ZNF470: variants seen among roughly 807,000 people sequenced by gnomAD.
ZNF470 encodes the protein chondrogenesis zinc finger protein 1.
A neutral mutation model predicts 13.9 loss-of-function variants in ZNF470; 13 were observed. The ratio of observed to expected loss-of-function variants is 0.94; its 90% CI spans 0.61 to 1.49. The LOEUF (loss-of-function observed/expected upper bound fraction) is 1.49. ZNF470 is among the 40% of genes most tolerant of loss of function. ZNF470 has a pLI of 0.00. For synonymous variants in ZNF470, 293 were observed against 282.9 expected, an observed-to-expected ratio of 1.04 and a Z score of -0.36; for missense variants, 929 against 857.3, an observed-to-expected ratio of 1.08 and a Z score of -1.04.
chr19:56,577,292 A>G lies in ZNF470; in HGVS notation c.863A>G (p.Glu288Gly), dbSNP rs1468152696. ...GGAGAAAAACCTTTTGAATGTACTG[A>G]ATGTGGGAAAGCCTTCAGCCAGAAT... Reference protein sequence around the residue: ...HTGEKPFECTECGKAFSQNAH... With the variant: ...HTGEKPFECTGCGKAFSQNAH... Residue 288 changes from glutamate (E) to glycine (G), a missense_variant, in exon 6 of 6, where the codon GAA (glutamate) becomes GGA (glycine). Physicochemically the swap from Glu to Gly is moderately conservative, Grantham distance 98 (BLOSUM62 -2). Transcript: ENST00000330619. 2 of 1,613,734 alleles carry G rather than the reference A, an allele frequency of 1.2e-6. No individual in the cohort carries two copies. Among genetic ancestry groups the G allele is most frequent in the Non-Finnish European group, 1.7e-6 (2 of 1,179,804 alleles).
chr19:56,579,740 A>G lies in ZNF470; in HGVS notation c.*1157A>G. ...ATGTTACAACTTAAACTTATTTTTA[A>G]AATATTTAAAAATAGGAAGGCTAGA... On this transcript the variant is annotated 3_prime_UTR_variant, in exon 6 of 6. Transcript: ENST00000330619. 1.0e-6 allele frequency: 1 copy of G among 974,974 alleles called. No individual in the cohort carries two copies. Among genetic ancestry groups the G allele is most frequent in the Non-Finnish European group, 1.2e-6 (1 of 820,366 alleles). The allele number at this position is 974,974 out of a possible 1,614,324, so 60.4% of individuals were successfully genotyped here.
intron 5 of ZNF470, 34 bp from the exon 6 acceptor site, chr19:56,576,679 T>G: frequency 7.3e-7 from 1 of 1,371,372 alleles, no homozygotes; most frequent in East Asian, 2.6e-5. Context: ...TAGCATTTAA[T>G]AAAGGAGACA....
In ZNF470 at chr19:56,580,163, TAG is replaced by T. The variant is rs1428977159; in HGVS notation, c.*1583_*1584del. Reference sequence around the variant, plus strand: ...TACTATCCCCAGAACATGTTGGTATTAGAGGATGAGGGAAGAACTAGAGGTAA... The same window carrying T: ...TACTATCCCCAGAACATGTTGGTATTAGGATGAGGGAAGAACTAGAGGTAA... On this transcript the variant is annotated 3_prime_UTR_variant, in exon 6 of 6. Coordinates refer to ENST00000330619, the MANE Select transcript of ZNF470 (RefSeq NM_001001668.4). 1 of 983,224 alleles carries T rather than the reference TAG, an allele frequency of 1.0e-6. No homozygotes were observed. The highest frequency in any genetic ancestry group is 1.8e-5 in the African/African-American group (1 of 56,116). 60.9% of individuals were successfully genotyped at this position (983,224 alleles called of 1,614,324 possible).
chr19:56,578,693 T>C lies in ZNF470; in HGVS notation c.*110T>C. On this transcript the variant is annotated 3_prime_UTR_variant, in exon 6 of 6. Transcript: ENST00000330619. ...ATCTGGATTTCTGCAGTAGCATAAC[T>C]GTTGCCCCTTTTGCTTCTATCAACT... is the stretch of plus-strand genomic sequence containing the variant. 7.6e-7 allele frequency: 1 copy of C among 1,317,684 alleles called. No individual in the cohort carries two copies. The highest frequency in any genetic ancestry group is 3.3e-5 in the Admixed American group (1 of 30,062). The allele number at this position is 1,317,684 out of a possible 1,614,324, so 81.6% of individuals were successfully genotyped here. A position where few individuals can be genotyped will look rare whatever the true frequency, so the allele number is the denominator to read the frequency against.
rs145150598 is a variant in ZNF470, at chr19:56,574,414, T to C, written c.81T>C (p.Asp27=). 7.0e-3 allele frequency: 11,362 copies of C among 1,613,828 alleles called. 97 individuals are homozygous for C. The highest frequency in any genetic ancestry group is 0.026 in the Middle Eastern group (158 of 6,060). ...TTTAGGGTTCAGTGACTTTCACAGA[T>C]GTGGCCATAGACTTTTCCCAAGATG... ...AMSLGSVTFT[D]VAIDFSQDEW... is the part of the protein sequence containing the mutation. The change falls in exon 4 of 6, where the codon GAT becomes GAC. Residue 27 remains aspartate, a synonymous_variant. Transcript: ENST00000330619.
chr19:56,570,512 T>A (rs2044444486), intron 3 of ZNF470, 141 bp downstream of exon 3: 2 of 791,424 alleles, frequency 2.5e-6, no homozygotes, highest in South Asian at 1.7e-5. Flanking sequence ...TGATATGTGA[T>A]GGGGTTGTGA....
rs1251174952 is a variant in ZNF470, at chr19:56,581,558, T to C, written c.*2975T>C. 4.3e-5 allele frequency: 33 copies of C among 767,226 alleles called. No homozygotes were observed. Among genetic ancestry groups the C allele is most frequent in the South Asian group, 1.2e-4 (2 of 16,674 alleles). The allele number at this position is 767,226 out of a possible 1,614,324, so 47.5% of individuals were successfully genotyped here. ...GTATATATCCATTCAATAGGAATTA[T>C]GCAGCTGTTGAAAAAAAATCAATGT... On this transcript the variant is annotated 3_prime_UTR_variant, in exon 6 of 6. Coordinates refer to ENST00000330619, the MANE Select transcript of ZNF470 (RefSeq NM_001001668.4).
Position 56,577,622 on chromosome 19 carries a change from A to T in ZNF470, c.1193A>T (p.Asp398Val). 1 of 1,613,990 alleles carries T rather than the reference A, an allele frequency of 6.2e-7. No individual in the cohort carries two copies. ...TATCATACTGGAGAGAAACCCTTTG[A>T]CTGTATTGATTGTGGGAAGGCTTTC... is the stretch of plus-strand genomic sequence containing the variant. The part of the protein sequence containing the change: ...RYYHTGEKPF[D>V]CIDCGKAFTD... Residue 398 changes from aspartate to valine, a missense_variant, in exon 6 of 6, where the codon GAC (aspartate) becomes GTC (valine). Asp to Val is a radical substitution (Grantham distance 152). Transcript: ENST00000330619.
At position 56,579,587 on chromosome 19, in the gene ZNF470, T is replaced by G. The variant is rs1182603018; in HGVS notation, c.*1004T>G. ...GCCTTTATAAAAGTACCACAGACAA[T>G]TCGTGTGGTATTTAAATTGTTCTAG... On this transcript the variant is annotated 3_prime_UTR_variant, in exon 6 of 6. Coordinates refer to ENST00000330619, the MANE Select transcript of ZNF470 (RefSeq NM_001001668.4). 3 of 985,288 alleles carry G rather than the reference T, an allele frequency of 3.0e-6. No individual in the cohort carries two copies. Among genetic ancestry groups the G allele is most frequent in the Non-Finnish European group, 3.6e-6 (3 of 829,930 alleles). 61.0% of individuals were successfully genotyped at this position (985,288 alleles called of 1,614,324 possible).
In ZNF470 at chr19:56,581,994, C is replaced by A. The variant is rs1568498095; in HGVS notation, c.*3411C>A. 1 of 985,346 alleles carries A rather than the reference C, an allele frequency of 1.0e-6. No homozygotes were observed. Among genetic ancestry groups the A allele is most frequent in the Non-Finnish European group, 1.2e-6 (1 of 829,928 alleles). The allele number at this position is 985,346 out of a possible 1,614,324, so 61.0% of individuals were successfully genotyped here. A position where few individuals can be genotyped will look rare whatever the true frequency, so the allele number is the denominator to read the frequency against. ...CTTTCCGGTACTTGATTTTTGCCTC[C>A]TGTTGGTCAGTTGCTTGCAAGTAAA... On this transcript the variant is annotated 3_prime_UTR_variant, in exon 6 of 6. Coordinates refer to ENST00000330619, the MANE Select transcript of ZNF470 (RefSeq NM_001001668.4).
At chr19:56,572,164 A>G (rs1226184671) in intron 3 of ZNF470, among the ~76,000 whole-genome samples, 1 of 149,262 alleles carries the variant, frequency 6.7e-6, no homozygotes, top group Non-Finnish European at 1.5e-5. Context: ...CTATAAAACC[A>G]GGACAGCATG....
At chr19:56,575,789 T>C (rs10409899) in intron 5 of ZNF470, among the ~76,000 whole-genome samples, 112,354 of 152,008 alleles carry the variant, frequency 0.74, 41,785 homozygotes, top group African/African-American at 0.82. Flanking sequence ...TCAGTTCTTA[T>C]AGTTTCAACA....
At position 56,574,510 on chromosome 19, in the gene ZNF470, A is replaced by G. The variant is rs1262002135; in HGVS notation, c.177A>G (p.Leu59=). The part of the protein sequence containing the change: ...KKVMLENYRN[L]VSVGLCISKP... ...TGATGTTAGAAAACTACAGGAACCT[A>G]GTTTCAGTGGGTAAGAGTATCTTCC... Residue 59 remains leucine, a synonymous_variant, in exon 4 of 6, where the codon CTA becomes CTG. Transcript: ENST00000330619. The G allele has an allele frequency of 1.2e-6, 2 of 1,613,734 alleles. No individual in the cohort carries two copies. The highest frequency in any genetic ancestry group is 1.7e-6 in the Non-Finnish European group (2 of 1,179,786).
intron 5 of ZNF470, among the ~76,000 whole-genome samples, chr19:56,576,337 T>A (rs561198422): frequency 6.6e-6 from 1 of 152,028 alleles, no homozygotes; most frequent in African/African-American, 2.4e-5. Context: ...AGGAAAAATA[T>A]CATCAATGTT....
At chr19:56,574,187 C>G (rs2044473155) in intron 3 of ZNF470, 4 of 844,934 alleles carry the variant, frequency 4.7e-6, no homozygotes, top group Non-Finnish European at 7.6e-6. Flanking sequence ...AGGAGTATCT[C>G]ATTTTTTTCT....
intron 3 of ZNF470, among the ~76,000 whole-genome samples, chr19:56,573,244 GCAA>G (rs1375738061): frequency 1.3e-5 from 2 of 151,842 alleles, no homozygotes; most frequent in Non-Finnish European, 2.9e-5. Context: ...CTTATCATAG[GCAA>G]CAATTCTTAA....
rs2044515013 is a variant in ZNF470 at position 56,578,998 on chromosome 19, T to TGAACAAACTCAGAATTGAAA, written c.*418_*437dup. 26 of 990,072 alleles carry TGAACAAACTCAGAATTGAAA rather than the reference T, an allele frequency of 2.6e-5. No homozygotes were observed. Among genetic ancestry groups the TGAACAAACTCAGAATTGAAA allele is most frequent in the Non-Finnish European group, 3.0e-5 (25 of 833,266 alleles). The allele number at this position is 990,072 out of a possible 1,614,324, so 61.3% of individuals were successfully genotyped here. The stretch of plus-strand genomic sequence containing the variant: ...CTACTCTCCTGGTAGAGAGGAAAGA[T>TGAACAAACTCAGAATTGAAA]GAACAAACTCAGAATTGAAAGATTT... On this transcript the variant is annotated 3_prime_UTR_variant, in exon 6 of 6. Coordinates refer to ENST00000330619, the MANE Select transcript of ZNF470 (RefSeq NM_001001668.4).
At chr19:56,574,808 C>A in intron 5 of ZNF470, 75 bp downstream of exon 5, 1 of 1,288,348 alleles carries the variant, frequency 7.8e-7, no homozygotes, top group East Asian at 2.4e-5. Flanking sequence ...TGGAAAACAC[C>A]TCTCAAACTC....
At position 56,581,213 on chromosome 19, in the gene ZNF470, C is replaced by A; in HGVS notation, c.*2630C>A. 1 of 603,952 alleles carries A rather than the reference C, an allele frequency of 1.7e-6. No homozygotes were observed. The highest frequency in any genetic ancestry group is 2.1e-6 in the Non-Finnish European group (1 of 481,980). The allele number at this position is 603,952 out of a possible 1,614,324, so 37.4% of individuals were successfully genotyped here. A position where few individuals can be genotyped will look rare whatever the true frequency, so the allele number is the denominator to read the frequency against. On this transcript the variant is annotated 3_prime_UTR_variant, in exon 6 of 6. Coordinates refer to ENST00000330619, the MANE Select transcript of ZNF470 (RefSeq NM_001001668.4). ...TAGAAAAATGGACTAATGTCCCATT[C>A]ACAAAAGATGCAATAAAAGCAGTTA...
Sources: gnomAD v4.1 joint callset for allele counts (sites outside exome capture counted in the v4.1 genomes callset) on GRCh38, gnomAD v4.1.1 for gene constraint, MANE v1.5 for transcripts, NCBI Gene and HGNC (gene_info 2026-07-23, HGNC 2026-07-21) for gene names.